The following AHNAK variants were observed in gnomAD, a reference collection of about 807,000 sequenced individuals.
AHNAK encodes AHNAK nucleoprotein.
A neutral mutation model predicts 37.8 loss-of-function variants in AHNAK; 23 were observed. That is an observed-to-expected ratio of 0.61 (90% CI 0.44 to 0.86). The LOEUF (loss-of-function observed/expected upper bound fraction) is 0.86, where lower values mean the gene tolerates loss of function less well. Ranked by LOEUF, AHNAK falls within the 40% of genes least tolerant of loss-of-function variation. AHNAK has a pLI of 0.00. For synonymous variants in AHNAK, 2,481 were observed against 2,636.3 expected, an observed-to-expected ratio of 0.94 and a Z score of 1.80; for missense variants, 7,411 against 7,319.4, an observed-to-expected ratio of 1.01 and a Z score of -0.46.
rs569730383 is a variant in AHNAK, at chr11:62,532,355, G to T, written c.2062C>A (p.Pro688Thr). The change falls in exon 5 of 5, where the codon CCT becomes ACT. Residue 688 changes from proline to threonine, a missense_variant. By Grantham distance (38) the Pro-to-Thr change is conservative (BLOSUM62 -1). Transcript: ENST00000378024. ...TTTGGTGTCTTGACACTCATATCAG[G>T]CAGCTTAACATCGGGGCCTTTAAGT... Reference protein sequence around the residue: ...GKLKGPDVKLPDMSVKTPKIS... With the variant: ...GKLKGPDVKLTDMSVKTPKIS... The T allele has an allele frequency of 2.5e-6, 4 of 1,614,120 alleles. No individual in the cohort carries two copies. The African/African-American group carries it at 5.3e-5, about 22-fold the overall frequency.
rs368696529 is a variant in AHNAK, at chr11:62,517,795, A to C, written c.16622T>G (p.Ile5541Ser). 6 of 1,614,166 alleles carry C rather than the reference A, an allele frequency of 3.7e-6. No individual in the cohort carries two copies. The highest frequency in any genetic ancestry group is 5.1e-6 in the Non-Finnish European group (6 of 1,180,024). ...EVGFHGAAPD[I>S]SVKGPAFNMA... ...ATTAAAGGCAGGCCCCTTCACACTG[A>C]TATCAGGAGCAGCCCCATGGAAACC... is the stretch of plus-strand genomic sequence containing the variant. Residue 5541 changes from isoleucine (I) to serine (S), a missense_variant, in exon 5 of 5, where the codon ATC becomes AGC. By Grantham distance (142) the Ile-to-Ser change is moderately radical. Transcript: ENST00000378024.
chr11:62,546,295 G>T (rs937592234), intron 1 of AHNAK, among the ~76,000 whole-genome samples: 1 of 152,214 alleles, frequency 6.6e-6, no homozygotes, highest in African/African-American at 2.4e-5. Context: ...GAACGGAGCA[G>T]CCCCCGAGCC....
intron 5 of AHNAK, among the ~76,000 whole-genome samples, chr11:62,461,695 T>C (rs1365119038): frequency 4.6e-5 from 7 of 151,994 alleles, no homozygotes; most frequent in African/African-American, 1.2e-4. Context: ...TATGGTGGTG[T>C]ATGCCTGTAA....
chr11:62,529,426 C>T lies in AHNAK; in HGVS notation c.4991G>A (p.Gly1664Asp), dbSNP rs770567267. Residue 1664 changes from glycine to aspartate, a missense_variant, in exon 5 of 5, where the codon GGC becomes GAC. Coordinates refer to ENST00000378024, the MANE Select transcript of AHNAK (RefSeq NM_001620.3). ...ATCCATATCCCCTTTGACTTTGGGG[C>T]CTTTCAAGTGTAAGTCCACATCGGG... ...SMPDVDLHLK[G>D]PKVKGDMDVS... 3.6e-5 allele frequency: 58 copies of T among 1,613,956 alleles called. No homozygotes were observed. Among genetic ancestry groups the T allele is most frequent in the Non-Finnish European group, 4.6e-5 (54 of 1,180,040 alleles).
intron 5 of AHNAK, among the ~76,000 whole-genome samples, chr11:62,464,060 GC>G (rs1938852791): frequency 6.7e-6 from 1 of 148,378 alleles, no homozygotes; most frequent in African/African-American, 2.5e-5. Context: ...GAGCTACCGT[GC>G]CCGATGAGTT....
In AHNAK at chr11:62,518,272, C is replaced by CA; in HGVS notation, c.16144dup (p.Cys5382LeufsTer3). On this transcript the variant is annotated frameshift_variant, in exon 5 of 5. Coordinates refer to ENST00000378024, the MANE Select transcript of AHNAK (RefSeq NM_001620.3). LOFTEE classifies it high-confidence loss of function. ...AGGAGCTCCTACGGATACTTTAGGG[C>CA]ATTTGATGTCACCAGAGACAGCCAG... 6.2e-7 allele frequency: 1 copy of CA among 1,614,166 alleles called. No individual in the cohort carries two copies. The highest frequency in any genetic ancestry group is 8.5e-7 in the Non-Finnish European group (1 of 1,180,024).
intron 5 of AHNAK, among the ~76,000 whole-genome samples, chr11:62,434,204 G>A (rs1489194889): frequency 6.6e-6 from 1 of 152,134 alleles, no homozygotes; most frequent in Non-Finnish European, 1.5e-5. Context: ...AGGACAGTGT[G>A]TTCCCAAGAA....
chr11:62,455,846 C>T (rs1258983902), intron 5 of AHNAK, among the ~76,000 whole-genome samples: 1 of 149,462 alleles, frequency 6.7e-6, no homozygotes, highest in South Asian at 2.1e-4. Flanking sequence ...GCCTGGGTAA[C>T]GAGCAAATCT....
chr11:62,504,596 A>C (rs1283425317), intron 4 of AHNAK, among the ~76,000 whole-genome samples: 1 of 152,002 alleles, frequency 6.6e-6, no homozygotes, highest in East Asian at 1.9e-4. Flanking sequence ...CACCGAAGAC[A>C]GAGGACAGAG....
Position 62,532,845 on chromosome 11 carries a change from C to T in AHNAK, c.1572G>A (p.Gly524=), listed in dbSNP as rs1482040488. Residue 524 remains glycine, a synonymous_variant, in exon 5 of 5, where the codon GGG becomes GGA. Transcript: ENST00000378024. ...LKGDIKVSAP[G]VQGDVKGPQV... is the part of the protein sequence containing the mutation. ...GAGGGCCTTTAACATCACCTTGCAC[C>T]CCAGGAGCAGAAACCTTAATATCTC... 7 of 1,614,034 alleles carry T rather than the reference C, an allele frequency of 4.3e-6. No homozygotes were observed. The highest frequency in any genetic ancestry group is 5.1e-6 in the Non-Finnish European group (6 of 1,179,960).
At chr11:62,514,273 G>A (rs1209470415), downstream of AHNAK, among the ~76,000 whole-genome samples, 5 of 152,022 alleles carry the variant, frequency 3.3e-5, no homozygotes, top group South Asian at 2.1e-4. Flanking sequence ...TATCTCAAGC[G>A]GCATGCACAC....
chr11:62,448,931 G>A (rs1565197332), intron 5 of AHNAK, among the ~76,000 whole-genome samples: 2 of 152,140 alleles, frequency 1.3e-5, no homozygotes, highest in Non-Finnish European at 2.9e-5. Context: ...AGCCAGGCGT[G>A]GTGGTGGGCA....
chr11:62,507,759 C>T (rs1347009107), intron 4 of AHNAK, among the ~76,000 whole-genome samples: 10 of 152,010 alleles, frequency 6.6e-5, no homozygotes, highest in Non-Finnish European at 1.0e-4. Flanking sequence ...CCAGACTGGG[C>T]GACAGAGACT....
At chr11:62,475,682 G>T (rs1032446759) in intron 5 of AHNAK, among the ~76,000 whole-genome samples, 2 of 135,806 alleles carry the variant, frequency 1.5e-5, no homozygotes, top group African/African-American at 2.9e-5. Context: ...TCAGCTCACC[G>T]AAACCTCTGC....
rs150830843 is a variant in AHNAK at position 62,521,561 on chromosome 11, G to A, written c.12856C>T (p.Leu4286Phe). Residue 4286 changes from leucine (L) to phenylalanine (F), a missense_variant, in exon 5 of 5, where the codon CTC (leucine) becomes TTC (phenylalanine). Coordinates refer to ENST00000378024, the MANE Select transcript of AHNAK (RefSeq NM_001620.3). The part of the protein sequence containing the change: ...DVSLPKVEGD[L>F]KGPEVDIKGP... ...TTGATGTCAACTTCTGGGCCCTTGA[G>A]GTCACCTTCCACTTTAGGAAGGGAA... 1,516 of 1,612,144 alleles carry A rather than the reference G, an allele frequency of 9.4e-4. 1 individual carries two copies. The highest frequency in any genetic ancestry group is 1.2e-3 in the Non-Finnish European group (1,426 of 1,179,648).
At chr11:62,484,503 A>T (rs889993078) in intron 5 of AHNAK, among the ~76,000 whole-genome samples, 2 of 152,198 alleles carry the variant, frequency 1.3e-5, no homozygotes, top group African/African-American at 4.8e-5. Context: ...TAAGGGGAAG[A>T]CTTTGTCAAG....
At chr11:62,459,208 T>C (rs575711849) in intron 5 of AHNAK, among the ~76,000 whole-genome samples, 10 of 152,344 alleles carry the variant, frequency 6.6e-5, no homozygotes, top group African/African-American at 2.4e-4. Context: ...CACAGTTGAA[T>C]GTGGACATGG....
intron 4 of AHNAK, among the ~76,000 whole-genome samples, chr11:62,508,914 T>C (rs1446090997): frequency 2.6e-5 from 4 of 152,224 alleles, no homozygotes; most frequent in Non-Finnish European, 4.4e-5. Flanking sequence ...CCCCTTAAAG[T>C]GTGCTTGTGA....
chr11:62,444,372 C>A (rs1031409390), intron 5 of AHNAK, among the ~76,000 whole-genome samples: 1 of 152,174 alleles, frequency 6.6e-6, no homozygotes, highest in African/African-American at 2.4e-5. Flanking sequence ...GCCAAGGAAG[C>A]TTGTGCCCCA....
Sources: allele counts gnomAD v4.1 joint callset (sites outside exome capture counted in the v4.1 genomes callset), GRCh38; gene constraint gnomAD v4.1.1; transcripts MANE v1.5; gene names NCBI Gene and HGNC (gene_info 2026-07-23, HGNC 2026-07-21).